The following OPN5 variants were observed in gnomAD, a reference collection of about 807,000 sequenced individuals.
The protein encoded by OPN5 is opsin 5, also known as opsin-5.
In OPN5, 18 loss-of-function variants were observed where a neutral mutation model predicts 41.7. The observed-to-expected ratio is 0.43, with a 90% CI of 0.30 to 0.64. The LOEUF is 0.64. Among genes scored for constraint, OPN5 ranks in the 30% least tolerant of loss-of-function variants. The probability of loss-of-function intolerance (pLI) is 0.13; values close to 1 mark genes in which losing one functional copy is unlikely to be tolerated. For synonymous variants in OPN5, 178 were observed against 164.3 expected (o/e 1.08, Z -0.64); for missense variants, 318 against 434.5 (o/e 0.73, Z 2.38).
At chr6:47,798,143 C>A (rs2113968286) in intron 4 of OPN5, among the ~76,000 whole-genome samples, 1 of 151,948 alleles carries the variant, frequency 6.6e-6, no homozygotes, top group Non-Finnish European at 1.5e-5. Context: ...TATTATAGCA[C>A]ATAATATGTA....
At chr6:47,808,285 A>G (rs1774053457) in exon 5 of OPN5, 1 of 1,613,916 alleles carries the variant, frequency 6.2e-7, no homozygotes, top group African/African-American at 1.3e-5. Context: ...TACTTGCAAA[A>G]TCTGCAGCGA....
intron 1 of OPN5, among the ~76,000 whole-genome samples, chr6:47,786,057 G>C (rs1773181156): frequency 6.6e-6 from 1 of 152,228 alleles, no homozygotes; most frequent in Admixed American, 6.5e-5. Context: ...GAACACTGGT[G>C]CTCCCTTAGG....
intron 2 of OPN5, among the ~76,000 whole-genome samples, chr6:47,788,146 G>A (rs143359416): frequency 1.4e-3 from 217 of 152,332 alleles, no homozygotes; most frequent in Non-Finnish European, 2.5e-3. Flanking sequence ...GACATGCCTG[G>A]TTTTGTGAAA....
intron 4 of OPN5, 118 bp from the exon 5 acceptor site, chr6:47,808,036 C>T (rs1158955351): frequency 3.2e-6 from 3 of 926,800 alleles, no homozygotes; most frequent in Non-Finnish European, 5.1e-6. Context: ...TAAATGAAAA[C>T]AATGACAGAC....
At chr6:47,825,783 G>A (rs763784385), downstream of OPN5, 1 of 152,108 alleles carries the variant, frequency 6.6e-6, no homozygotes, top group Non-Finnish European at 1.5e-5. Flanking sequence ...AAGGGAAGAA[G>A]GTTGACATGA....
At chr6:47,789,673 G>A (rs565074725) in intron 2 of OPN5, among the ~76,000 whole-genome samples, 15 of 152,264 alleles carry the variant, frequency 9.9e-5, no homozygotes, top group Admixed American at 8.5e-4. Flanking sequence ...TAGAGGAGAC[G>A]TGTGTCTAGA....
intron 6 of OPN5, among the ~76,000 whole-genome samples, chr6:47,817,585 A>G (rs1762468741): frequency 6.6e-6 from 1 of 152,126 alleles, no homozygotes; most frequent in Non-Finnish European, 1.5e-5. Context: ...CGAAAAAAGA[A>G]CTTGAGCCCC....
intron 4 of OPN5, among the ~76,000 whole-genome samples, chr6:47,806,900 G>A (rs1773988565): frequency 6.6e-6 from 1 of 152,204 alleles, no homozygotes; most frequent in African/African-American, 2.4e-5. Flanking sequence ...GCTCATGCCT[G>A]TAATCCCAGC....
intron 1 of OPN5, among the ~76,000 whole-genome samples, chr6:47,784,577 C>T (rs971152437): frequency 2.6e-5 from 4 of 152,152 alleles, no homozygotes; most frequent in South Asian, 2.1e-4. Flanking sequence ...GGATTACAGG[C>T]GTGAGCCACC....
intron 4 of OPN5, among the ~76,000 whole-genome samples, chr6:47,803,103 T>C (rs1773837477): frequency 6.6e-6 from 1 of 152,180 alleles, no homozygotes. Context: ...TTAATTATCA[T>C]TCTGTGGATA....
chr6:47,787,158 G>C (rs41273686), intron 2 of OPN5: 6 of 983,478 alleles, frequency 6.1e-6, no homozygotes, highest in Non-Finnish European at 7.2e-6. Flanking sequence ...CATATCACAA[G>C]CATAGGAAGC....
intron 6 of OPN5, among the ~76,000 whole-genome samples, chr6:47,815,766 A>T (rs1239512302): frequency 6.6e-6 from 1 of 152,106 alleles, no homozygotes; most frequent in Non-Finnish European, 1.5e-5. Flanking sequence ...CTATTAGTGG[A>T]TGCCATATTG....
downstream of OPN5, chr6:47,825,571 A>G (rs1398161888): frequency 6.6e-6 from 1 of 152,204 alleles, no homozygotes; most frequent in Non-Finnish European, 1.5e-5. Context: ...TTCAAGTCAA[A>G]ACTACTGTTG....
At chr6:47,808,522 C>A in intron 5 of OPN5, 127 bp downstream of exon 5, 1 of 1,003,812 alleles carries the variant, frequency 1.0e-6, no homozygotes, top group Non-Finnish European at 1.5e-6. Flanking sequence ...GTAGGAAGGA[C>A]TTTATTTTCT....
exon 4 of OPN5, chr6:47,795,521 T>C: frequency 6.2e-6 from 10 of 1,614,024 alleles, no homozygotes; most frequent in Non-Finnish European, 8.5e-6. Context: ...ATTTCGACAG[T>C]CGGATCCATA....
chr6:47,819,711 G>T (rs1762544007), intron 6 of OPN5, among the ~76,000 whole-genome samples: 1 of 151,954 alleles, frequency 6.6e-6, no homozygotes, highest in African/African-American at 2.4e-5. Context: ...TACCCTGCTG[G>T]TTTTATTTCT....
chr6:47,809,879 G>A (rs1561901871), intron 5 of OPN5, among the ~76,000 whole-genome samples: 1 of 152,150 alleles, frequency 6.6e-6, no homozygotes, highest in Non-Finnish European at 1.5e-5. Flanking sequence ...AGAAAGTAAC[G>A]GCACACTTCT....
chr6:47,798,141 C>A (rs929561235), intron 4 of OPN5, among the ~76,000 whole-genome samples: 2 of 151,804 alleles, frequency 1.3e-5, no homozygotes, highest in Non-Finnish European at 2.9e-5. Flanking sequence ...GATATTATAG[C>A]ACATAATATG....
At chr6:47,821,824 T>G (rs1762632381) in intron 6 of OPN5, among the ~76,000 whole-genome samples, 1 of 151,978 alleles carries the variant, frequency 6.6e-6, no homozygotes, top group African/African-American at 2.4e-5. Context: ...ATTTAAGAAA[T>G]GCAGGTGAGG....
Sources: gnomAD v4.1 joint callset for allele counts (sites outside exome capture counted in the v4.1 genomes callset) on GRCh38, gnomAD v4.1.1 for gene constraint, MANE v1.5 for transcripts, NCBI Gene and HGNC (gene_info 2026-07-23, HGNC 2026-07-21) for gene names.